Variants in CALCB observed in about 807,000 individuals in gnomAD.
CALCB encodes calcitonin gene-related peptide 2.
A neutral mutation model predicts 10.7 loss-of-function variants in CALCB; 8 were observed. The observed-to-expected ratio is 0.75, with a 90% CI of 0.44 to 1.34. CALCB has a LOEUF of 1.34. Among genes scored for constraint, CALCB ranks in the 40% most tolerant of loss-of-function variants. The pLI is 0.01. For missense variants in CALCB, 176 were observed against 162.5 expected, an observed-to-expected ratio of 1.08 and a Z score of -0.45; for synonymous variants, 76 against 66.9, an observed-to-expected ratio of 1.14 and a Z score of -0.66.
At chr11:15,077,162 T>C in intron 3 of CALCB, 124 bp from the exon 4 acceptor site, 2 of 1,031,678 alleles carry the variant, frequency 1.9e-6, no homozygotes, top group African/African-American at 1.6e-5. Context: ...GCTTTGATAA[T>C]TGCATTTTCG....
intron 3 of CALCB, among the ~76,000 whole-genome samples, chr11:15,076,328 GGACCAC>G (rs1261760859): frequency 2.0e-5 from 3 of 152,158 alleles, no homozygotes; most frequent in African/African-American, 7.2e-5. Context: ...GCTTGCAGAG[GGACCAC>G]TACCCGACTC....
chr11:15,077,522 A>C, intron 4 of CALCB, 52 bp downstream of exon 4: 3 of 1,554,346 alleles, frequency 1.9e-6, no homozygotes, highest in South Asian at 2.3e-5. Flanking sequence ...TGGAGTTAAA[A>C]CCTACATTTT....
In CALCB at chr11:15,075,205, T is replaced by C. The variant is rs778377082; in HGVS notation, c.224+7T>C. ...AGGAGACACAGGGCTCCAGGTGAGGTTCCCCAAGCGCCCAGCACAGGGACT... is the reference window on the plus strand; with the variant it reads ...AGGAGACACAGGGCTCCAGGTGAGGCTCCCCAAGCGCCCAGCACAGGGACT... On this transcript the variant is annotated splice_region_variant and intron_variant, in intron 3 of 4. Coordinates refer to ENST00000324229, the MANE Select transcript of CALCB (RefSeq NM_000728.4). 76 of 1,613,604 alleles carry C rather than the reference T, an allele frequency of 4.7e-5. No homozygotes were observed. The highest frequency in any genetic ancestry group is 5.7e-5 in the Non-Finnish European group (67 of 1,179,956).
rs1850378671 is a variant in CALCB at position 15,074,821 on chromosome 11, C to T, written c.86+17C>T. On this transcript the variant is annotated intron_variant, in intron 2 of 4. Transcript: ENST00000324229. ...GCCATTCAGGTGAGACAGCCTGGAGCCAGAGGCGCCTTCTGCTCCCACTGC... is the reference window on the plus strand; with the variant it reads ...GCCATTCAGGTGAGACAGCCTGGAGTCAGAGGCGCCTTCTGCTCCCACTGC... 2 of 1,603,668 alleles carry T rather than the reference C, an allele frequency of 1.2e-6. No individual in the cohort carries two copies. The highest frequency in any genetic ancestry group is 1.7e-6 in the Non-Finnish European group (2 of 1,173,338).
At chr11:15,077,509 A>G (rs1850407394) in intron 4 of CALCB, 39 bp downstream of exon 4, 1 of 1,584,838 alleles carries the variant, frequency 6.3e-7, no homozygotes, top group Admixed American at 1.8e-5. Flanking sequence ...GGGGGAAGGG[A>G]CTTGGAGTTA....
At chr11:15,074,893 T>A in intron 2 of CALCB, 89 bp downstream of exon 2, 2 of 1,399,528 alleles carry the variant, frequency 1.4e-6, no homozygotes, top group Non-Finnish European at 2.0e-6. Flanking sequence ...GCGTGGCTCC[T>A]GGTGAATCAG....
intron 3 of CALCB, among the ~76,000 whole-genome samples, chr11:15,076,594 A>G (rs1472534969): frequency 6.6e-6 from 1 of 152,264 alleles, no homozygotes; most frequent in African/African-American, 2.4e-5. Context: ...GTTATGACAG[A>G]GGCATCCAAT....
chr11:15,076,249 A>G (rs556038890), intron 3 of CALCB, among the ~76,000 whole-genome samples: 1 of 152,186 alleles, frequency 6.6e-6, no homozygotes, highest in Admixed American at 6.5e-5. Flanking sequence ...TACCTGAAAA[A>G]CTTTCATATG....
Position 15,075,192 on chromosome 11 carries a change from G to T in CALCB, c.218G>T (p.Gly73Val). ...SELKQEQETQGSSSAAQKRAC... is the reference protein window; with the variant it reads ...SELKQEQETQVSSSAAQKRAC... ...CTGAAGCAGGAGCAGGAGACACAGG[G>T]CTCCAGGTGAGGTTCCCCAAGCGCC... Residue 73 changes from glycine to valine, a missense_variant, in exon 3 of 5, where the codon GGC becomes GTC. Coordinates refer to ENST00000324229, the MANE Select transcript of CALCB (RefSeq NM_000728.4). 1.2e-6 allele frequency: 2 copies of T among 1,614,136 alleles called. No individual in the cohort carries two copies. The highest frequency in any genetic ancestry group is 1.7e-6 in the Non-Finnish European group (2 of 1,180,038).
chr11:15,074,187 C>CGGCAGAG (rs1850373290), intron 1 of CALCB, among the ~76,000 whole-genome samples: 1 of 152,254 alleles, frequency 6.6e-6, no homozygotes. Flanking sequence ...AAACGCGCTC[C>CGGCAGAG]GGCAGAGGGC....
At chr11:15,076,746 C>T (rs1190113335) in intron 3 of CALCB, among the ~76,000 whole-genome samples, 2 of 152,208 alleles carry the variant, frequency 1.3e-5, no homozygotes, top group African/African-American at 4.8e-5. Flanking sequence ...TGTCCAGTGC[C>T]TATGCTCAGA....
intron 3 of CALCB, 147 bp downstream of exon 3, chr11:15,075,345 G>A: frequency 7.3e-7 from 1 of 1,378,404 alleles, no homozygotes; most frequent in Non-Finnish European, 1.0e-6. Flanking sequence ...AGTTCCAAGG[G>A]AGACAGAGGT....
At chr11:15,076,678 T>C (rs1333824461) in intron 3 of CALCB, among the ~76,000 whole-genome samples, 1 of 152,230 alleles carries the variant, frequency 6.6e-6, no homozygotes, top group African/African-American at 2.4e-5. Flanking sequence ...CAATCTATTT[T>C]TCTAAAAGGA....
chr11:15,075,094 A>G lies in CALCB; in HGVS notation c.120A>G (p.Thr40=), dbSNP rs1438673634. ...TGGAGAGCAGCCCAGACCCGGCCACACTCAGTAAAGAGGACGCGCGCCTCC... is the reference window on the plus strand; with the variant it reads ...TGGAGAGCAGCCCAGACCCGGCCACGCTCAGTAAAGAGGACGCGCGCCTCC... ...SALESSPDPA[T]LSKEDARLLL... Residue 40 remains threonine, a synonymous_variant, in exon 3 of 5, where the codon ACA becomes ACG. Transcript: ENST00000324229. 10 of 1,614,188 alleles carry G rather than the reference A, an allele frequency of 6.2e-6. No individual in the cohort carries two copies. Among genetic ancestry groups the G allele is most frequent in the Non-Finnish European group, 8.5e-6 (10 of 1,180,040 alleles).
At chr11:15,074,454 G>C (rs941492900) in intron 1 of CALCB, among the ~76,000 whole-genome samples, 27 of 152,130 alleles carry the variant, frequency 1.8e-4, no homozygotes, top group African/African-American at 6.0e-4. Context: ...GCTTCTCCCT[G>C]GCCTTCAACA....
In CALCB at chr11:15,073,999, C is replaced by T. The variant is rs377568202; in HGVS notation, c.-10+336C>T. 1.9e-3 allele frequency among the ~76,000 whole-genome samples: 296 copies of T among 152,358 alleles called. 3 individuals are homozygous for T. Among genetic ancestry groups the T allele is most frequent in the Middle Eastern group, 0.01 (3 of 294 alleles). ...AGTTGGGTCCGGGAGCGCCCTGCGC[C>T]GTCTTTGTCCTTCGGGAGCATGTTT... On this transcript the variant is annotated intron_variant, in intron 1 of 4. Coordinates refer to ENST00000324229, the MANE Select transcript of CALCB (RefSeq NM_000728.4).
intron 3 of CALCB, among the ~76,000 whole-genome samples, chr11:15,076,927 C>G (rs561068233): frequency 6.6e-6 from 1 of 152,200 alleles, no homozygotes; most frequent in South Asian, 2.1e-4. Flanking sequence ...TTTCATTTTC[C>G]TGTGGTAATG....
intron 2 of CALCB, 85 bp downstream of exon 2, chr11:15,074,889 C>T: frequency 7.1e-7 from 1 of 1,407,878 alleles, no homozygotes; most frequent in Non-Finnish European, 9.9e-7. Context: ...TCACGCGTGG[C>T]TCCTGGTGAA....
intron 3 of CALCB, among the ~76,000 whole-genome samples, chr11:15,075,644 T>G (rs1409847960): frequency 6.6e-6 from 1 of 152,152 alleles, no homozygotes; most frequent in Non-Finnish European, 1.5e-5. Flanking sequence ...CATGCCATTC[T>G]TTCATACCTG....
Sources: gnomAD v4.1 joint callset for allele counts (sites outside exome capture counted in the v4.1 genomes callset) on GRCh38, gnomAD v4.1.1 for gene constraint, MANE v1.5 for transcripts, NCBI Gene and HGNC (gene_info 2026-07-23, HGNC 2026-07-21) for gene names.